CADPS: variants seen among roughly 807,000 people sequenced by gnomAD.
CADPS encodes calcium dependent secretion activator, also known as calcium-dependent secretion activator 1.
A neutral mutation model predicts 167.3 loss-of-function variants in CADPS; 57 were observed. The ratio of observed to expected loss-of-function variants is 0.34; its 90% CI spans 0.28 to 0.42. The LOEUF (loss-of-function observed/expected upper bound fraction) is 0.42. CADPS is among the 20% of genes least tolerant of loss of function. The pLI, the probability that CADPS is intolerant of heterozygous loss-of-function variation, is 1.00. For synonymous variants in CADPS, 676 were observed against 635.3 expected, an observed-to-expected ratio of 1.06 and a Z score of -0.96; for missense variants, 1,414 against 1,738.1, an observed-to-expected ratio of 0.81 and a Z score of 3.32.
intron 21 of CADPS, among the ~76,000 whole-genome samples, chr3:62,488,487 TA>T: frequency 6.6e-6 from 1 of 150,952 alleles, no homozygotes; most frequent in Admixed American, 6.6e-5. Flanking sequence ...TTTATTTATT[TA>T]TTTATTTATT....
chr3:62,801,600 AATTAGAT>A (rs1399689185), intron 1 of CADPS, among the ~76,000 whole-genome samples: 1 of 152,190 alleles, frequency 6.6e-6, no homozygotes, highest in Non-Finnish European at 1.5e-5. Context: ...AAATCCAGCA[AATTAGAT>A]ATTAATGTTT....
chr3:62,835,597 G>C (rs2075780981), intron 1 of CADPS, among the ~76,000 whole-genome samples: 1 of 152,154 alleles, frequency 6.6e-6, no homozygotes, highest in African/African-American at 2.4e-5. Flanking sequence ...ATGCAGGCCA[G>C]TACTGGCTGT....
In CADPS at chr3:62,870,520, G is replaced by A. The variant is rs117102468; in HGVS notation, c.441+4069C>T. 1.1e-3 allele frequency among the ~76,000 whole-genome samples: 160 copies of A among 152,190 alleles called. 1 individual carries two copies. In the East Asian group the frequency reaches 0.029, roughly 27 times the overall value. ...TTTCTATGGCTATGACTCAACATTAGCCATCATTTCATGGGCAGATACAAG... is the reference window on the plus strand; with the variant it reads ...TTTCTATGGCTATGACTCAACATTAACCATCATTTCATGGGCAGATACAAG... On this transcript the variant is annotated intron_variant, in intron 1 of 29. Transcript: ENST00000383710.
chr3:62,446,882 A>G lies in CADPS; in HGVS notation c.3637-1085T>C, dbSNP rs1198951863. On this transcript the variant is annotated intron_variant, in intron 26 of 29. Transcript: ENST00000383710. The surrounding 1 kb of genome is among the most constrained non-coding windows in gnomAD (Gnocchi z 4.9). ...TTTTACTGGGAACTACAAAGACTGC[A>G]ATGCACAAAAAGCAGTTAGGATGTC... Among the ~76,000 whole-genome samples the G allele has an allele frequency of 6.6e-6, 1 of 152,224 alleles. No homozygotes were observed. Among genetic ancestry groups the G allele is most frequent in the East Asian group, 1.9e-4 (1 of 5,200 alleles).
intron 1 of CADPS, among the ~76,000 whole-genome samples, chr3:62,799,168 C>T (rs1410497632): frequency 6.6e-6 from 1 of 152,134 alleles, no homozygotes; most frequent in Non-Finnish European, 1.5e-5. Flanking sequence ...ACAGATTGTC[C>T]ACCACTGTTG....
intron 1 of CADPS, among the ~76,000 whole-genome samples, chr3:62,825,444 A>C (rs2073867065): frequency 6.6e-6 from 1 of 152,132 alleles, no homozygotes; most frequent in African/African-American, 2.4e-5. Context: ...ACTAACTCTG[A>C]AACTCCGGGC....
chr3:62,581,908 G>C (rs559173019), intron 8 of CADPS, among the ~76,000 whole-genome samples: 5 of 152,168 alleles, frequency 3.3e-5, no homozygotes, highest in African/African-American at 1.2e-4. Context: ...AATTAGAAAG[G>C]CATCTAGGAG....
At chr3:62,510,665 T>C (rs924811471) in intron 17 of CADPS, among the ~76,000 whole-genome samples, 4 of 152,108 alleles carry the variant, frequency 2.6e-5, no homozygotes, top group Admixed American at 2.0e-4. Context: ...TAAAGCATAG[T>C]CTGACTAAAG....
chr3:62,468,384 T>C (rs1560788891), intron 24 of CADPS, among the ~76,000 whole-genome samples: 2 of 152,246 alleles, frequency 1.3e-5, no homozygotes, highest in East Asian at 3.9e-4. Flanking sequence ...TAATATGAAA[T>C]ATACCAAGCA....
At chr3:62,801,647 A>C (rs963966767) in intron 1 of CADPS, among the ~76,000 whole-genome samples, 2 of 152,212 alleles carry the variant, frequency 1.3e-5, no homozygotes, top group African/African-American at 4.8e-5. Context: ...TAACCATAAT[A>C]GTAGCTACCA....
chr3:62,693,760 G>A (rs138812468), intron 3 of CADPS, among the ~76,000 whole-genome samples: 1 of 149,446 alleles, frequency 6.7e-6, no homozygotes, highest in South Asian at 2.1e-4. Context: ...ACTACAGCCT[G>A]GGTGACAGAA....
chr3:62,596,088 T>TACAC lies in CADPS; in HGVS notation c.1326-3344_1326-3341dup, dbSNP rs56780830. ...TAACTCCCGTTTTTATATATATGTATACACACACACACACACACACACACA... is the reference window on the plus strand; with the variant it reads ...TAACTCCCGTTTTTATATATATGTATACACACACACACACACACACACACACACA... On this transcript the variant is annotated intron_variant, in intron 6 of 29. Coordinates refer to ENST00000383710, the MANE Select transcript of CADPS (RefSeq NM_003716.4). Among the ~76,000 whole-genome samples the TACAC allele has an allele frequency of 5.4e-3, 733 of 135,936 alleles. 3 individuals carry two copies. The highest frequency in any genetic ancestry group is 8.7e-3 in the African/African-American group (306 of 35,108). The allele number at this position is 135,936 out of a possible 152,430, so 89.2% of individuals were successfully genotyped here.
intron 13 of CADPS, among the ~76,000 whole-genome samples, chr3:62,527,806 TG>T (rs1217956774): frequency 1.3e-5 from 2 of 152,102 alleles, no homozygotes; most frequent in African/African-American, 4.8e-5. Context: ...GAGATCTCAG[TG>T]GAAATGGGCT....
chr3:62,410,520 A>G (rs958399512), intron 28 of CADPS, among the ~76,000 whole-genome samples: 1 of 152,226 alleles, frequency 6.6e-6, no homozygotes. Context: ...AAATTCTGAG[A>G]GGCAGTGCAA....
At chr3:62,590,087 G>T (rs183402126) in intron 7 of CADPS, among the ~76,000 whole-genome samples, 1 of 151,846 alleles carries the variant, frequency 6.6e-6, no homozygotes, top group East Asian at 1.9e-4. Flanking sequence ...TACTTGGGAG[G>T]CTGAGGCATG....
rs776352849 is a variant in CADPS at position 62,819,161 on chromosome 3, GTT to G, written c.442-53179_442-53178del. ...TCAGTGAACTGTACACTTAAGATCT[GTT>G]TGTTTGAATGGATGTAAATTATTCT... On this transcript the variant is annotated intron_variant, in intron 1 of 29. Coordinates refer to ENST00000383710, the MANE Select transcript of CADPS (RefSeq NM_003716.4). Among the ~76,000 whole-genome samples the G allele has an allele frequency of 1.4e-3, 214 of 151,750 alleles. 1 individual carries two copies. The highest frequency in any genetic ancestry group is 2.3e-3 in the Non-Finnish European group (156 of 67,984).
chr3:62,775,707 T>A (rs2152569143), intron 1 of CADPS, among the ~76,000 whole-genome samples: 1 of 152,338 alleles, frequency 6.6e-6, no homozygotes, highest in Non-Finnish European at 1.5e-5. Flanking sequence ...AAAGCCTTGT[T>A]AAGTTGGCAA....
intron 11 of CADPS, among the ~76,000 whole-genome samples, chr3:62,549,649 C>A (rs2077023184): frequency 6.6e-6 from 1 of 152,000 alleles, no homozygotes; most frequent in Non-Finnish European, 1.5e-5. Flanking sequence ...TGTACTCTCA[C>A]CAAAACAGAG....
intron 3 of CADPS, among the ~76,000 whole-genome samples, chr3:62,678,494 A>T (rs1025800230): frequency 1.3e-5 from 2 of 150,552 alleles, no homozygotes; most frequent in Non-Finnish European, 3.0e-5. Context: ...TTTCTCAGGA[A>T]TTTTTTTTTT....
Sources: gnomAD v4.1 joint callset for allele counts (sites outside exome capture counted in the v4.1 genomes callset) on GRCh38, gnomAD v4.1.1 for gene constraint, Gnocchi (gnomAD v3.1) non-coding constraint, MANE v1.5 for transcripts, NCBI Gene and HGNC (gene_info 2026-07-23, HGNC 2026-07-21) for gene names.